The following PRICKLE2 variants were observed in gnomAD, a reference collection of about 807,000 sequenced individuals.
PRICKLE2 encodes prickle-like protein 2.
A neutral mutation model predicts 81.4 loss-of-function variants in PRICKLE2; 21 were observed. The observed-to-expected ratio is 0.26, with a 90% CI of 0.18 to 0.37. The LOEUF (loss-of-function observed/expected upper bound fraction) is 0.37. Ranked by LOEUF, PRICKLE2 falls within the 10% of genes least tolerant of loss-of-function variation. The probability of loss-of-function intolerance (pLI) is 1.00; values close to 1 mark genes in which losing one functional copy is unlikely to be tolerated. For missense variants in PRICKLE2, 940 were observed against 1,109.0 expected, an observed-to-expected ratio of 0.85 and a Z score of 2.16; for synonymous variants, 456 against 421.5, an observed-to-expected ratio of 1.08 and a Z score of -1.00.
At position 64,160,061 on chromosome 3, in the gene PRICKLE2, G is replaced by A. The variant is rs772302825; in HGVS notation, c.275C>T (p.Ser92Phe). The A allele has an allele frequency of 6.2e-7, 1 of 1,614,100 alleles. No individual in the cohort carries two copies. The highest frequency in any genetic ancestry group is 1.7e-5 in the Admixed American group (1 of 60,022). Residue 92 changes from serine to phenylalanine, a missense_variant, in exon 4 of 8, where the codon TCC becomes TTC. This residue lies in a region of PRICKLE2 where 270 missense variants were observed against 391.8 expected (regional missense o/e 0.69). Coordinates refer to ENST00000638394, the MANE Select transcript of PRICKLE2 (RefSeq NM_198859.4). ...CTCCCTCTTCTCTTCCTCATCCAGG[G>A]AGTTGCAATATCGAACCTGAATAGA... ...PHDNEVRYCNSLDEEEKRELK... is the reference protein window; with the variant it reads ...PHDNEVRYCNFLDEEEKRELK...
rs552366396 is a variant in PRICKLE2 at position 64,094,545 on chromosome 3, T to G, written c.*4506A>C. The G allele has an allele frequency of 2.6e-5, 4 of 152,368 alleles. No homozygotes were observed. The East Asian group carries it at 7.7e-4, about 29-fold the overall frequency. The allele number at this position is 152,368 out of a possible 1,614,324, so 9.4% of individuals were successfully genotyped here. A position where few individuals can be genotyped will look rare whatever the true frequency, so the allele number is the denominator to read the frequency against. Reference sequence around the variant, plus strand: ...ATATTTCCTTGAGGAAAGCTAGTTTTGTCAGCAGGAAGTAAGCTTATAAAA... The same window carrying G: ...ATATTTCCTTGAGGAAAGCTAGTTTGGTCAGCAGGAAGTAAGCTTATAAAA... On this transcript the variant is annotated 3_prime_UTR_variant, in exon 8 of 8. Transcript: ENST00000638394.
At chr3:64,239,096 C>A (rs1378438953) in intron 2 of PRICKLE2, among the ~76,000 whole-genome samples, 1 of 152,156 alleles carries the variant, frequency 6.6e-6, no homozygotes, top group Non-Finnish European at 1.5e-5. Flanking sequence ...ACTGCCTTGG[C>A]GAATTATTTA....
intron 2 of PRICKLE2, 99 bp downstream of exon 2, chr3:64,198,685 C>T: frequency 7.5e-7 from 1 of 1,332,158 alleles, no homozygotes; most frequent in Non-Finnish European, 1.1e-6. Context: ...TTCTCTGAAT[C>T]AGCAAAGTCT....
chr3:64,142,673 T>G (rs2077382385), intron 7 of PRICKLE2, among the ~76,000 whole-genome samples: 1 of 152,082 alleles, frequency 6.6e-6, no homozygotes, highest in South Asian at 2.1e-4. Context: ...GTGGGAGAAG[T>G]TAGTAGCCAC....
At chr3:64,206,123 A>G (rs2078683821) in intron 1 of PRICKLE2, among the ~76,000 whole-genome samples, 1 of 152,248 alleles carries the variant, frequency 6.6e-6, no homozygotes, top group African/African-American at 2.4e-5. Flanking sequence ...GAAACTGTAT[A>G]TCTGGTTGCC....
At chr3:64,232,625 A>T (rs940435319) in intron 2 of PRICKLE2, among the ~76,000 whole-genome samples, 2 of 146,314 alleles carry the variant, frequency 1.4e-5, no homozygotes, top group African/African-American at 4.9e-5. Flanking sequence ...AAGTCCTGGG[A>T]CTCCTGTATA....
intron 7 of PRICKLE2, among the ~76,000 whole-genome samples, chr3:64,115,186 A>G (rs571628812): frequency 6.6e-5 from 10 of 152,344 alleles, no homozygotes; most frequent in African/African-American, 2.4e-4. Flanking sequence ...GCCTTACAAG[A>G]GCTCCTGAAG....
At chr3:64,150,664 C>A (rs2077530363) in intron 6 of PRICKLE2, among the ~76,000 whole-genome samples, 1 of 152,170 alleles carries the variant, frequency 6.6e-6, no homozygotes, top group Non-Finnish European at 1.5e-5. Flanking sequence ...CTGCGGCTAT[C>A]CCCACTCCCT....
intron 7 of PRICKLE2, among the ~76,000 whole-genome samples, chr3:64,137,137 C>T (rs1347025468): frequency 6.6e-6 from 1 of 152,132 alleles, no homozygotes; most frequent in East Asian, 1.9e-4. Flanking sequence ...CTATTTCTAT[C>T]TTTTTCCAGA....
chr3:64,171,603 C>T (rs757945330), intron 2 of PRICKLE2, among the ~76,000 whole-genome samples: 3 of 152,172 alleles, frequency 2.0e-5, no homozygotes, highest in Non-Finnish European at 4.4e-5. Context: ...CTGGCATGTA[C>T]AAGATACTCA....
At chr3:64,177,591 C>G (rs1218755192) in intron 2 of PRICKLE2, among the ~76,000 whole-genome samples, 1 of 152,140 alleles carries the variant, frequency 6.6e-6, no homozygotes. Flanking sequence ...TCCCCTCAGC[C>G]CCTGGTAACC....
At chr3:64,177,710 C>T (rs2107074054) in intron 2 of PRICKLE2, among the ~76,000 whole-genome samples, 1 of 152,246 alleles carries the variant, frequency 6.6e-6, no homozygotes, top group East Asian at 1.9e-4. Flanking sequence ...AATATGTTTC[C>T]AAGGCTAATT....
Position 64,143,807 on chromosome 3 carries a change from T to C in PRICKLE2, c.1660+3023A>G, listed in dbSNP as rs2077401136. Reference sequence around the variant, plus strand: ...TCTTCTTCAGAGGCTGAAGTATATATTTATCTGCTGTCCTCTTAAATAATT... The same window carrying C: ...TCTTCTTCAGAGGCTGAAGTATATACTTATCTGCTGTCCTCTTAAATAATT... On this transcript the variant is annotated intron_variant, in intron 7 of 7. Transcript: ENST00000638394. Among the ~76,000 whole-genome samples, 3 of 152,248 alleles carry C rather than the reference T, an allele frequency of 2.0e-5. No homozygotes were observed. In the South Asian group the frequency reaches 6.2e-4, roughly 32 times the overall value.
chr3:64,198,766 TC>T lies in PRICKLE2; in HGVS notation c.144+17del, dbSNP rs751335562. ...TGAAACACCCAAACCACCAGCATGC[TC>T]CCATCCAGAATGGTACCTGTTCAGG... On this transcript the variant is annotated intron_variant, in intron 2 of 7. Transcript: ENST00000638394. 1.2e-6 allele frequency: 2 copies of T among 1,612,992 alleles called. No homozygotes were observed. Among genetic ancestry groups the T allele is most frequent in the African/African-American group, 2.7e-5 (2 of 74,858 alleles).
At chr3:64,174,745 T>C in intron 2 of PRICKLE2, 1 of 212,184 alleles carries the variant, frequency 4.7e-6, no homozygotes, top group East Asian at 1.2e-4. Context: ...GAATGAATTT[T>C]ACAATGTGAA....
intron 7 of PRICKLE2, among the ~76,000 whole-genome samples, chr3:64,114,539 G>A (rs1120963): frequency 2.0e-5 from 3 of 151,898 alleles, no homozygotes; most frequent in African/African-American, 7.3e-5. Flanking sequence ...ACTGACCTTA[G>A]AGAGCTAAAA....
At chr3:64,232,032 CAG>C (rs1381534460) in intron 2 of PRICKLE2, among the ~76,000 whole-genome samples, 17 of 152,192 alleles carry the variant, frequency 1.1e-4, no homozygotes, top group Non-Finnish European at 1.0e-4. Context: ...CAGAAAAACA[CAG>C]AAGGTTCCCT....
intron 2 of PRICKLE2, among the ~76,000 whole-genome samples, chr3:64,254,993 A>G (rs1235614456): frequency 1.3e-5 from 2 of 152,222 alleles, no homozygotes; most frequent in African/African-American, 4.8e-5. Flanking sequence ...AAGCATTTAG[A>G]TATTCTCCCT....
rs191876735 is a variant in PRICKLE2 at position 64,122,413 on chromosome 3, C to T, written c.1661-22488G>A. The stretch of plus-strand genomic sequence containing the variant: ...GAATCACAGAATCACCTGCAAGTTC[C>T]CCAGTCCTGTCCCAGACCTAGTGAA... On this transcript the variant is annotated intron_variant, in intron 7 of 7. Coordinates refer to ENST00000638394, the MANE Select transcript of PRICKLE2 (RefSeq NM_198859.4). Among the ~76,000 whole-genome samples the T allele has an allele frequency of 5.8e-4, 88 of 152,288 alleles. 1 individual carries two copies. Among genetic ancestry groups the T allele is most frequent in the Non-Finnish European group, 1.0e-3 (71 of 68,016 alleles).
Sources: gnomAD v4.1 joint callset for allele counts (sites outside exome capture counted in the v4.1 genomes callset) on GRCh38, gnomAD v4.1.1 for gene constraint, gnomAD v4.1.1 regional missense constraint, MANE v1.5 for transcripts, NCBI Gene and HGNC (gene_info 2026-07-23, HGNC 2026-07-21) for gene names.